Variants in TXNRD1 observed in about 807,000 individuals in gnomAD.
TXNRD1 encodes the protein thioredoxin reductase 1, cytoplasmic.
In TXNRD1, 57 loss-of-function variants were observed where a neutral mutation model predicts 80.3. The ratio of observed to expected loss-of-function variants is 0.71; its 90% confidence interval spans 0.57 to 0.89. The LOEUF (loss-of-function observed/expected upper bound fraction) is 0.89, where lower values mean the gene tolerates loss of function less well. Ranked by LOEUF, TXNRD1 falls within the 40% of genes least tolerant of loss-of-function variation. The probability of loss-of-function intolerance (pLI) is 0.00; values close to 1 mark genes in which losing one functional copy is unlikely to be tolerated. For synonymous variants in TXNRD1, 291 were observed against 285.2 expected (o/e 1.02, Z -0.20); for missense variants, 730 against 803.0 (o/e 0.91, Z 1.10).
At chr12:104,273,364 G>T (rs1413965478) in intron 3 of TXNRD1, among the ~76,000 whole-genome samples, 1 of 152,198 alleles carries the variant, frequency 6.6e-6, no homozygotes, top group Non-Finnish European at 1.5e-5. Flanking sequence ...GGAGGCGGAG[G>T]TGGGTGGATC....
intron 1 of TXNRD1, among the ~76,000 whole-genome samples, chr12:104,235,641 A>G (rs2032723478): frequency 6.6e-6 from 1 of 152,194 alleles, no homozygotes; most frequent in Non-Finnish European, 1.5e-5. Context: ...TTGTGAGGTT[A>G]GTCTTAAGCT....
rs149045251 is a variant in TXNRD1 at position 104,327,467 on chromosome 12, A to G, written c.1386-48A>G. On this transcript the variant is annotated intron_variant, in intron 12 of 16. Coordinates refer to ENST00000525566, the MANE Select transcript of TXNRD1 (RefSeq NM_001093771.3). ...AAAAACGGAAGATTTTGTTCTCCTT[A>G]ATTAATAATGGTAATTAATGATGAT... 2.0e-4 allele frequency: 306 copies of G among 1,555,006 alleles called. 1 individual carries two copies. In the African/African-American group the frequency reaches 3.6e-3, roughly 18 times the overall value.
At chr12:104,288,181 G>A (rs1375773863) in intron 3 of TXNRD1, among the ~76,000 whole-genome samples, 2 of 152,138 alleles carry the variant, frequency 1.3e-5, no homozygotes, top group East Asian at 3.9e-4. Context: ...AGTAGAGACA[G>A]GGTTTCACCA....
chr12:104,315,706 T>G (rs1389593407), intron 6 of TXNRD1, 71 bp from the exon 7 acceptor site: 135 of 1,506,042 alleles, frequency 9.0e-5, no homozygotes, highest in Non-Finnish European at 1.1e-4. Flanking sequence ...TAATAATTGT[T>G]GACTTTGTTC....
At chr12:104,300,148 A>G (rs1288672471) in intron 4 of TXNRD1, among the ~76,000 whole-genome samples, 6 of 152,198 alleles carry the variant, frequency 3.9e-5, no homozygotes, top group East Asian at 1.9e-4. Flanking sequence ...CATCCACCCT[A>G]TCACGTTTGT....
chr12:104,294,847 G>A (rs565690014), intron 4 of TXNRD1, among the ~76,000 whole-genome samples: 2 of 152,356 alleles, frequency 1.3e-5, no homozygotes, highest in South Asian at 4.1e-4. Flanking sequence ...GACATGAGTG[G>A]TAATTGAATA....
At chr12:104,241,323 G>A (rs1382977923) in intron 1 of TXNRD1, among the ~76,000 whole-genome samples, 1 of 151,594 alleles carries the variant, frequency 6.6e-6, no homozygotes, top group South Asian at 2.1e-4. Flanking sequence ...ACAGACGTGA[G>A]CCACTGTGCC....
At chr12:104,249,704 G>A (rs1020013585) in intron 1 of TXNRD1, among the ~76,000 whole-genome samples, 2 of 152,084 alleles carry the variant, frequency 1.3e-5, no homozygotes, top group African/African-American at 2.4e-5. Context: ...GGGAGGCCAA[G>A]GTGGGCAGAT....
At chr12:104,303,982 C>T (rs762539700) in intron 4 of TXNRD1, 11 of 1,607,604 alleles carry the variant, frequency 6.8e-6, no homozygotes, top group Non-Finnish European at 9.3e-6. Context: ...CCGACGACCT[C>T]AGCTCTGGGG....
At chr12:104,276,346 A>G (rs1169330716) in intron 3 of TXNRD1, among the ~76,000 whole-genome samples, 1 of 152,172 alleles carries the variant, frequency 6.6e-6, no homozygotes, top group Non-Finnish European at 1.5e-5. Context: ...GAGAAGACAG[A>G]GAAGTGAAAG....
At chr12:104,251,447 T>C (rs1227789245) in intron 1 of TXNRD1, 80 bp from the exon 2 acceptor site, 3 of 1,456,450 alleles carry the variant, frequency 2.1e-6, no homozygotes, top group Non-Finnish European at 2.8e-6. Context: ...GTAATGCTTT[T>C]AGAGTGAACC....
At chr12:104,276,686 G>A (rs1266856798) in intron 3 of TXNRD1, 2 of 152,184 alleles carry the variant, frequency 1.3e-5, no homozygotes, top group East Asian at 1.9e-4. Flanking sequence ...CAGATGCCAG[G>A]GTAAGAAAGA....
chr12:104,314,368 G>A (rs1178325083), intron 6 of TXNRD1, among the ~76,000 whole-genome samples: 2 of 152,150 alleles, frequency 1.3e-5, no homozygotes, highest in Non-Finnish European at 2.9e-5. Flanking sequence ...CAGATAAGGC[G>A]ATGTCACAAT....
intron 7 of TXNRD1, among the ~76,000 whole-genome samples, chr12:104,318,168 T>G (rs1037600114): frequency 1.3e-5 from 2 of 152,198 alleles, no homozygotes; most frequent in Non-Finnish European, 2.9e-5. Flanking sequence ...CCTTTGAAAT[T>G]TAATATTACT....
Position 104,289,389 on chromosome 12 carries a change from T to A in TXNRD1, c.414+349T>A, listed in dbSNP as rs530691826. ...GCTAAATGTTAGTTGTTTAGGGAAG[T>A]CCTGAGAAAAGGGGATCAGGAAATG... On this transcript the variant is annotated intron_variant, in intron 4 of 16. Transcript: ENST00000525566. 6.1e-5 allele frequency: 11 copies of A among 180,408 alleles called. No homozygotes were observed. The South Asian group carries it at 1.2e-3, about 19-fold the overall frequency. The allele number at this position is 180,408 out of a possible 1,614,324, so 11.2% of individuals were successfully genotyped here. A position where few individuals can be genotyped will look rare whatever the true frequency, so the allele number is the denominator to read the frequency against.
At chr12:104,258,545 G>A (rs141778186) in intron 3 of TXNRD1, among the ~76,000 whole-genome samples, 1 of 152,308 alleles carries the variant, frequency 6.6e-6, no homozygotes, top group Admixed American at 6.5e-5. Context: ...AAGATTGGTG[G>A]AGTAAAATGG....
At chr12:104,218,813 G>A (rs1359758060) in intron 1 of TXNRD1, among the ~76,000 whole-genome samples, 2 of 151,970 alleles carry the variant, frequency 1.3e-5, no homozygotes, top group Non-Finnish European at 2.9e-5. Flanking sequence ...TTGCCATGTT[G>A]CCCAGGCTGG....
chr12:104,314,945 T>G (rs568417045), intron 6 of TXNRD1, among the ~76,000 whole-genome samples: 6 of 152,094 alleles, frequency 3.9e-5, no homozygotes, highest in African/African-American at 1.4e-4. Context: ...GTTTCACCGT[T>G]TTGGCCAGGC....
At chr12:104,234,441 C>T (rs1180948465) in intron 1 of TXNRD1, among the ~76,000 whole-genome samples, 3 of 152,016 alleles carry the variant, frequency 2.0e-5, no homozygotes, top group East Asian at 3.9e-4. Flanking sequence ...ACTACAAGCA[C>T]GCACCACCAT....
Sources: allele counts gnomAD v4.1 joint callset (sites outside exome capture counted in the v4.1 genomes callset), GRCh38; gene constraint gnomAD v4.1.1; transcripts MANE v1.5; gene names NCBI Gene and HGNC (gene_info 2026-07-23, HGNC 2026-07-21).